SUPT5H: variants seen among roughly 807,000 people sequenced by gnomAD.
The protein encoded by SUPT5H is transcription elongation factor SPT5.
Under a neutral mutation model 142.5 loss-of-function variants are expected in SUPT5H, and 24 were observed. The observed-to-expected ratio is 0.17, with a 90% confidence interval of 0.12 to 0.24. The LOEUF (loss-of-function observed/expected upper bound fraction) is 0.24. Ranked by LOEUF, SUPT5H falls within the 10% of genes least tolerant of loss-of-function variation. The pLI, the probability that SUPT5H is intolerant of heterozygous loss-of-function variation, is 1.00. For missense variants in SUPT5H, 893 were observed against 1,471.8 expected, an observed-to-expected ratio of 0.61 and a Z score of 6.43; for synonymous variants, 546 against 553.0, an observed-to-expected ratio of 0.99 and a Z score of 0.18.
Position 39,445,603 on chromosome 19 carries a change from CA to C in SUPT5H, c.-121del. 1 of 430,226 alleles carries C rather than the reference CA, an allele frequency of 2.3e-6. No individual in the cohort carries two copies. The highest frequency in any genetic ancestry group is 2.9e-5 in the South Asian group (1 of 34,676). 26.7% of individuals were successfully genotyped at this position (430,226 alleles called of 1,614,324 possible). A position where few individuals can be genotyped will look rare whatever the true frequency, so the allele number is the denominator to read the frequency against. ...CCCCAGTCAGGCGTCGTGCGAACAG[CA>C]GCTGGTACCGAAGGCGGAGGTGGAG... On this transcript the variant is annotated 5_prime_UTR_variant, in exon 1 of 30. Transcript: ENST00000432763.
rs561786531 is a variant in SUPT5H at position 39,459,832 on chromosome 19, C to G, written c.556-60C>G. On this transcript the variant is annotated intron_variant, in intron 9 of 29. Coordinates refer to ENST00000432763, the MANE Select transcript of SUPT5H (RefSeq NM_001111020.3). ...TTTTCTTGCTGCTGTCTCCTTCCCC[C>G]TTTCCTGTGTCCTTTCCTCCATCCT... is the stretch of plus-strand genomic sequence containing the variant. 104 of 1,578,084 alleles carry G rather than the reference C, an allele frequency of 6.6e-5. No individual in the cohort carries two copies. In the African/African-American group the frequency reaches 1.3e-3, roughly 20 times the overall value.
chr19:39,453,917 C>T (rs936084257), intron 3 of SUPT5H, among the ~76,000 whole-genome samples: 10 of 152,136 alleles, frequency 6.6e-5, no homozygotes, highest in African/African-American at 2.4e-4. Flanking sequence ...CTGTTCCCTT[C>T]TCAGAATCAT....
Position 39,476,264 on chromosome 19 carries a change from G to T in SUPT5H, c.3129G>T (p.Val1043=). 1 of 1,614,142 alleles carries T rather than the reference G, an allele frequency of 6.2e-7. No homozygotes were observed. The highest frequency in any genetic ancestry group is 8.5e-7 in the Non-Finnish European group (1 of 1,180,024). The part of the protein sequence containing the change: ...ITPTKNNKVK[V]ILGEDREATG... Reference sequence around the variant, plus strand: ...ATTCCCCCCACCCCCAGGTGAAAGTGATCCTGGGCGAGGATCGGGAAGCCA... The same window carrying T: ...ATTCCCCCCACCCCCAGGTGAAAGTTATCCTGGGCGAGGATCGGGAAGCCA... The change falls in exon 30 of 30, where the codon GTG becomes GTT. Residue 1043 remains valine (V), a synonymous_variant. Transcript: ENST00000432763.
At position 39,476,476 on chromosome 19, in the gene SUPT5H, A is replaced by T; in HGVS notation, c.*77A>T. 6.4e-7 allele frequency: 1 copy of T among 1,567,558 alleles called. No homozygotes were observed. Among genetic ancestry groups the T allele is most frequent in the Non-Finnish European group, 8.7e-7 (1 of 1,146,356 alleles). On this transcript the variant is annotated 3_prime_UTR_variant, in exon 30 of 30. Transcript: ENST00000432763. ...CCCTGGCCCTTGGCTGTGACACAAG[A>T]TCCTCCTGCAGGGCTAGGCGGATTG...
rs149086773 is a variant in SUPT5H at position 39,472,447 on chromosome 19, G to A, written c.1989G>A (p.Ala663=). Residue 663 remains alanine, a synonymous_variant, in exon 21 of 30, where the codon GCG becomes GCA. Coordinates refer to ENST00000432763, the MANE Select transcript of SUPT5H (RefSeq NM_001111020.3). The surrounding 1 kb of genome is among the most constrained non-coding windows in gnomAD (Gnocchi z 4.2). ...DVTNFTVGGF[A]PMSPRISSPM... is the part of the protein sequence containing the mutation. ...CCAACTTCACCGTGGGTGGCTTTGC[G>A]CCTATGAGTCCCCGGATCAGCAGCC... The A allele has an allele frequency of 3.3e-5, 53 of 1,613,966 alleles. No homozygotes were observed. Among genetic ancestry groups the A allele is most frequent in the South Asian group, 4.4e-5 (4 of 91,092 alleles).
intron 10 of SUPT5H, among the ~76,000 whole-genome samples, chr19:39,462,092 T>C (rs1391390374): frequency 6.6e-6 from 1 of 152,092 alleles, no homozygotes; most frequent in Non-Finnish European, 1.5e-5. Context: ...GTATTTTTAA[T>C]AGAGACGGGG....
In SUPT5H at chr19:39,466,961, C is replaced by T; in HGVS notation, c.1037+216C>T. On this transcript the variant is annotated intron_variant, in intron 13 of 29. Transcript: ENST00000432763. The surrounding 1 kb of genome is among the most constrained non-coding windows in gnomAD (Gnocchi z 4.3). ...AGGCTGGGCGCAGCGGGAGGGAGCA[C>T]TTTGGAAGGCTAAGGCAGGAGGCTT... 1.7e-6 allele frequency: 1 copy of T among 576,018 alleles called. No individual in the cohort carries two copies. The highest frequency in any genetic ancestry group is 2.1e-5 in the South Asian group (1 of 46,864). The allele number at this position is 576,018 out of a possible 1,614,324, so 35.7% of individuals were successfully genotyped here. A position where few individuals can be genotyped will look rare whatever the true frequency, so the allele number is the denominator to read the frequency against.
At chr19:39,460,743 G>T (rs2079150417) in intron 10 of SUPT5H, among the ~76,000 whole-genome samples, 1 of 152,274 alleles carries the variant, frequency 6.6e-6, no homozygotes, top group Admixed American at 6.5e-5. Context: ...TTTATGTCCA[G>T]CTCTCAGCTA....
intron 3 of SUPT5H, among the ~76,000 whole-genome samples, chr19:39,457,017 G>A (rs1410853882): frequency 6.6e-6 from 1 of 152,198 alleles, no homozygotes. Context: ...TTCATTATGT[G>A]CATGTATTAC....
At position 39,469,501 on chromosome 19, in the gene SUPT5H, G is replaced by A. The variant is rs556323372; in HGVS notation, c.1374+103G>A. 4 of 1,541,858 alleles carry A rather than the reference G, an allele frequency of 2.6e-6. No individual in the cohort carries two copies. In the East Asian group the frequency reaches 9.3e-5, roughly 36 times the overall value. On this transcript the variant is annotated intron_variant, in intron 16 of 29. Transcript: ENST00000432763. This position sits in a 1 kb window ranked among gnomAD's most constrained non-coding sequence, Gnocchi z 5.1. ...GTGCCTGGTGACACCTGGTTTCCAG[G>A]AGGGTAAGTTGAGGCCCTTCTAGCA...
Position 39,458,308 on chromosome 19 carries a change from A to G in SUPT5H, c.319+3A>G. On this transcript the variant is annotated splice_donor_region_variant and intron_variant, in intron 5 of 29. Transcript: ENST00000432763. The surrounding 1 kb of genome is among the most constrained non-coding windows in gnomAD (Gnocchi z 4.2). ...CCTCCAAGTAGAAGAGATTGAAGGT[A>G]AGAATATGAAAAGTGTGATTCCCTG... The G allele has an allele frequency of 6.3e-7, 1 of 1,598,874 alleles. No homozygotes were observed. The highest frequency in any genetic ancestry group is 8.5e-7 in the Non-Finnish European group (1 of 1,173,232).
Position 39,474,414 on chromosome 19 carries a change from C to T in SUPT5H, c.2820+12C>T. The T allele has an allele frequency of 6.2e-7, 1 of 1,612,306 alleles. No homozygotes were observed. Among genetic ancestry groups the T allele is most frequent in the Non-Finnish European group, 8.5e-7 (1 of 1,178,664 alleles). The stretch of plus-strand genomic sequence containing the variant: ...CCATGGCCTATCAGGTAATGGTCTG[C>T]CTGCCTGCCCTGAAGGGTGGTGGGC... On this transcript the variant is annotated intron_variant, in intron 27 of 29. Coordinates refer to ENST00000432763, the MANE Select transcript of SUPT5H (RefSeq NM_001111020.3). This position sits in a 1 kb window ranked among gnomAD's most constrained non-coding sequence, Gnocchi z 6.5.
At chr19:39,456,346 C>T (rs1464887092) in intron 3 of SUPT5H, among the ~76,000 whole-genome samples, 2 of 151,734 alleles carry the variant, frequency 1.3e-5, no homozygotes, top group African/African-American at 2.4e-5. Context: ...CCTCTCACCT[C>T]AGCCTCCTGA....
At chr19:39,471,559 G>A (rs528440812) in intron 19 of SUPT5H, 46 bp from the exon 20 acceptor site, 2 of 1,613,866 alleles carry the variant, frequency 1.2e-6, no homozygotes, top group Non-Finnish European at 1.7e-6. Context: ...TTGGTTGGGG[G>A]TGAGGGGGAC....
At chr19:39,462,084 A>G (rs1180901486) in intron 10 of SUPT5H, among the ~76,000 whole-genome samples, 2 of 151,476 alleles carry the variant, frequency 1.3e-5, no homozygotes, top group East Asian at 3.9e-4. Context: ...ATTTTTTTGT[A>G]TTTTTAATAG....
In SUPT5H at chr19:39,476,582, G is replaced by A. The variant is rs571810539; in HGVS notation, c.*183G>A. ...CTCATTGGAATCTGAGTAGAGTCTG[G>A]GGGAGGGTCCCCACCTTCCTGTACC... On this transcript the variant is annotated 3_prime_UTR_variant, in exon 30 of 30. Coordinates refer to ENST00000432763, the MANE Select transcript of SUPT5H (RefSeq NM_001111020.3). 4.9e-5 allele frequency: 38 copies of A among 778,080 alleles called. 1 individual carries two copies. The South Asian group carries it at 6.4e-4, about 13-fold the overall frequency. The allele number at this position is 778,080 out of a possible 1,614,324, so 48.2% of individuals were successfully genotyped here.
At chr19:39,468,391 C>G (rs2079272430) in intron 13 of SUPT5H, 1 of 255,176 alleles carries the variant, frequency 3.9e-6, no homozygotes, top group East Asian at 9.3e-5. Flanking sequence ...TTATTTTGTT[C>G]AGCTAATGTT....
In SUPT5H at chr19:39,459,942, C is replaced by T; in HGVS notation, c.606C>T (p.Ala202=). ...TTTCCTTGATGCGCAAGTTCATTGC[C>T]TACCAGTTCACAGACACGGTAAGTC... ...TAISLMRKFI[A]YQFTDTPLQI... Residue 202 remains alanine, a synonymous_variant, in exon 10 of 30, where the codon GCC becomes GCT. Coordinates refer to ENST00000432763, the MANE Select transcript of SUPT5H (RefSeq NM_001111020.3). 1.2e-6 allele frequency: 2 copies of T among 1,614,126 alleles called. No individual in the cohort carries two copies. The highest frequency in any genetic ancestry group is 2.2e-5 in the South Asian group (2 of 91,074).
chr19:39,451,443 G>A (rs536804215), intron 2 of SUPT5H, among the ~76,000 whole-genome samples: 1 of 151,940 alleles, frequency 6.6e-6, no homozygotes, highest in East Asian at 1.9e-4. Context: ...TGATCCGCGC[G>A]AGCCACCGCG....
Sources: allele counts gnomAD v4.1 joint callset (sites outside exome capture counted in the v4.1 genomes callset), GRCh38; gene constraint gnomAD v4.1.1; non-coding constraint Gnocchi (gnomAD v3.1); transcripts MANE v1.5; gene names NCBI Gene and HGNC (gene_info 2026-07-23, HGNC 2026-07-21).